The following PCDHA8 variants were observed in gnomAD, a reference collection of about 807,000 sequenced individuals.
PCDHA8 encodes the protein protocadherin alpha-8.
In PCDHA8, 53 loss-of-function variants were observed where a neutral mutation model predicts 61.8. That is an observed-to-expected ratio of 0.86 (90% confidence interval 0.69 to 1.08). PCDHA8 has a LOEUF of 1.08. Among genes scored for constraint, PCDHA8 ranks in the 50% least tolerant of loss-of-function variants. The pLI, the probability that PCDHA8 is intolerant of heterozygous loss-of-function variation, is 0.00. For missense variants in PCDHA8, 1,293 were observed against 1,245.0 expected, an observed-to-expected ratio of 1.04 and a Z score of -0.58; for synonymous variants, 618 against 556.6, an observed-to-expected ratio of 1.11 and a Z score of -1.55.
intron 3 of PCDHA8, among the ~76,000 whole-genome samples, chr5:141,007,395 C>CAAA (rs35800918): frequency 7.4e-5 from 7 of 94,852 alleles, no homozygotes; most frequent in Non-Finnish European, 1.2e-4. Flanking sequence ...TACTAAAATA[C>CAAA]AAAAAAAAAA....
Position 140,870,321 on chromosome 5 carries a change from G to C in PCDHA8, c.2394+26606G>C, listed in dbSNP as rs1554164064. The C allele has an allele frequency of 1.9e-6, 3 of 1,614,222 alleles. No individual in the cohort carries two copies. In the Admixed American group the frequency reaches 5.0e-5, roughly 27 times the overall value. On this transcript the variant is annotated intron_variant, in intron 1 of 3. Transcript: ENST00000531613. Reference sequence around the variant, plus strand: ...CCACCTTCAAGAATTACTACTCGTTGGTGCTGGACAGCGCCCTGGACCGCG... The same window carrying C: ...CCACCTTCAAGAATTACTACTCGTTCGTGCTGGACAGCGCCCTGGACCGCG...
At chr5:140,999,215 C>T (rs1290752092) in intron 3 of PCDHA8, among the ~76,000 whole-genome samples, 1 of 152,140 alleles carries the variant, frequency 6.6e-6, no homozygotes, top group South Asian at 2.1e-4. Context: ...TCTGGAAGTA[C>T]TACATTTGAG....
At chr5:140,919,176 C>A (rs2079027921) in intron 1 of PCDHA8, among the ~76,000 whole-genome samples, 2 of 152,184 alleles carry the variant, frequency 1.3e-5, no homozygotes, top group Non-Finnish European at 1.5e-5. Flanking sequence ...GTTGCTATAT[C>A]TTCCTGATTG....
At chr5:140,869,344 A>G (rs540952410) in intron 1 of PCDHA8, 1 of 1,613,990 alleles carries the variant, frequency 6.2e-7, no homozygotes, top group African/African-American at 1.3e-5. Flanking sequence ...AAATCTGCAG[A>G]ATGGCATTTT....
At chr5:140,881,944 A>C in intron 1 of PCDHA8, 1 of 302,118 alleles carries the variant, frequency 3.3e-6, no homozygotes, top group East Asian at 5.9e-5. Flanking sequence ...GTTTCTGGGA[A>C]GGTAAACATT....
intron 1 of PCDHA8, chr5:140,876,682 T>C (rs782271076): frequency 5.6e-6 from 9 of 1,614,180 alleles, no homozygotes; most frequent in Non-Finnish European, 4.2e-6. Context: ...CTACAAGAAT[T>C]ACTACTCGTT....
chr5:141,006,275 G>A (rs782763386), intron 3 of PCDHA8, among the ~76,000 whole-genome samples: 1 of 151,772 alleles, frequency 6.6e-6, no homozygotes. Flanking sequence ...GCAGTGGCAC[G>A]ATCTCAGCTC....
chr5:140,861,926 G>A (rs994509144), intron 1 of PCDHA8: 10 of 153,960 alleles, frequency 6.5e-5, no homozygotes, highest in African/African-American at 2.2e-4. Context: ...GGATGTAAAT[G>A]ATGATGCCCA....
At chr5:140,945,001 G>A (rs2093722890) in intron 1 of PCDHA8, among the ~76,000 whole-genome samples, 1 of 151,990 alleles carries the variant, frequency 6.6e-6, no homozygotes, top group African/African-American at 2.4e-5. Context: ...ACGGTTGTGG[G>A]TCATGAATTA....
intron 1 of PCDHA8, among the ~76,000 whole-genome samples, chr5:140,914,693 G>C (rs1554196535): frequency 7.9e-5 from 12 of 151,662 alleles, no homozygotes; most frequent in Non-Finnish European, 1.8e-4. Flanking sequence ...TTCTCTGGTG[G>C]TATGATTTAA....
chr5:140,845,542 A>G (rs927156983), intron 1 of PCDHA8, among the ~76,000 whole-genome samples: 3 of 149,498 alleles, frequency 2.0e-5, no homozygotes, highest in African/African-American at 7.3e-5. Flanking sequence ...TATTCTAATT[A>G]TGGTGATGCT....
At chr5:140,903,675 A>G (rs1554191078) in intron 1 of PCDHA8, among the ~76,000 whole-genome samples, 2 of 152,244 alleles carry the variant, frequency 1.3e-5, no homozygotes, top group Non-Finnish European at 2.9e-5. Flanking sequence ...GATATAAAAG[A>G]TGTTTGGTAA....
chr5:140,864,251 T>C (rs2048389187), intron 1 of PCDHA8: 1 of 152,248 alleles, frequency 6.6e-6, no homozygotes, highest in South Asian at 2.1e-4. Context: ...TTCATTTTCT[T>C]ATTCTGATTT....
chr5:140,982,482 C>T lies in PCDHA8; in HGVS notation c.2461C>T (p.His821Tyr), dbSNP rs782273708. 1.9e-6 allele frequency: 3 copies of T among 1,614,054 alleles called. No individual in the cohort carries two copies. Among genetic ancestry groups the T allele is most frequent in the East Asian group, 4.5e-5 (2 of 44,894 alleles). The change falls in exon 3 of 4, where the codon CAC (histidine) becomes TAC (tyrosine). Residue 821 changes from histidine to tyrosine, a missense_variant. Physicochemically the swap from His to Tyr is moderately conservative, Grantham distance 83. Transcript: ENST00000531613. ...SLRAGMHSSV[H>Y]LEEAGILRAG... ...GTCTGTGTGTTTATTCAGCTCTGTGCACCTAGAGGAGGCTGGCATTCTACG... is the reference window on the plus strand; with the variant it reads ...GTCTGTGTGTTTATTCAGCTCTGTGTACCTAGAGGAGGCTGGCATTCTACG...
chr5:141,010,697 C>T lies in PCDHA8; in HGVS notation c.*760C>T, dbSNP rs1163164861. The T allele has an allele frequency of 6.3e-6, 1 of 158,698 alleles. No homozygotes were observed. 9.8% of individuals were successfully genotyped at this position (158,698 alleles called of 1,614,324 possible). A position where few individuals can be genotyped will look rare whatever the true frequency, so the allele number is the denominator to read the frequency against. On this transcript the variant is annotated 3_prime_UTR_variant, in exon 4 of 4. Coordinates refer to ENST00000531613, the MANE Select transcript of PCDHA8 (RefSeq NM_018911.3). ...AACAGAAGCAGATCTGATGTGTTTCCTATACATGTCCTGTGCTCACTTTAT... is the reference window on the plus strand; with the variant it reads ...AACAGAAGCAGATCTGATGTGTTTCTTATACATGTCCTGTGCTCACTTTAT...
intron 1 of PCDHA8, among the ~76,000 whole-genome samples, chr5:140,964,816 T>A (rs79964853): frequency 0.016 from 2,494 of 151,960 alleles, 68 homozygotes; most frequent in African/African-American, 0.056. Context: ...CAGGAATAGA[T>A]TTTGATGAAA....
chr5:140,985,202 G>A (rs1554246846), intron 3 of PCDHA8, among the ~76,000 whole-genome samples: 1 of 152,204 alleles, frequency 6.6e-6, no homozygotes, highest in Non-Finnish European at 1.5e-5. Flanking sequence ...CTCCCAAAGT[G>A]TTGGGATTAC....
chr5:140,882,094 C>G, intron 1 of PCDHA8: 1 of 1,172,684 alleles, frequency 8.5e-7, no homozygotes. Flanking sequence ...TCACTGAGAA[C>G]GTTTCCGCGA....
intron 1 of PCDHA8, among the ~76,000 whole-genome samples, chr5:140,947,396 A>G (rs113635864): frequency 6.6e-6 from 1 of 151,710 alleles, no homozygotes; most frequent in Non-Finnish European, 1.5e-5. Flanking sequence ...CACTAAAAGT[A>G]GACTGTCTTG....
Sources: allele counts gnomAD v4.1 joint callset (sites outside exome capture counted in the v4.1 genomes callset), GRCh38; gene constraint gnomAD v4.1.1; transcripts MANE v1.5; gene names NCBI Gene and HGNC (gene_info 2026-07-23, HGNC 2026-07-21).